The following GMDS variants were observed in gnomAD, a reference collection of about 807,000 sequenced individuals.
GMDS encodes the protein GDP-mannose 4,6 dehydratase.
Under a neutral mutation model 49.9 loss-of-function variants are expected in GMDS, and 20 were observed. That is an observed-to-expected ratio of 0.40 (90% CI 0.28 to 0.58). The LOEUF (loss-of-function observed/expected upper bound fraction) is 0.58. Among genes scored for constraint, GMDS ranks in the 20% least tolerant of loss-of-function variants. The probability of loss-of-function intolerance (pLI) is 0.42; values close to 1 mark genes in which losing one functional copy is unlikely to be tolerated. For synonymous variants in GMDS, 177 were observed against 178.6 expected (o/e 0.99, Z 0.07); for missense variants, 362 against 481.4 (o/e 0.75, Z 2.32).
intron 7 of GMDS, among the ~76,000 whole-genome samples, chr6:1,922,208 G>A (rs1410784043): frequency 1.3e-5 from 2 of 152,160 alleles, no homozygotes; most frequent in Non-Finnish European, 2.9e-5. Flanking sequence ...AGACAGGAAC[G>A]ATGTTGTTAA....
chr6:1,728,634 C>A (rs1437118559), intron 8 of GMDS, among the ~76,000 whole-genome samples: 10 of 152,084 alleles, frequency 6.6e-5, no homozygotes, highest in Admixed American at 5.9e-4. Context: ...ATATTTAAAT[C>A]GACAAAGCCT....
chr6:2,008,209 C>A (rs1767318975), intron 4 of GMDS, among the ~76,000 whole-genome samples: 1 of 152,008 alleles, frequency 6.6e-6, no homozygotes, highest in Non-Finnish European at 1.5e-5. Context: ...TTAGTTCTTC[C>A]CAAGACAGCA....
At chr6:2,016,067 T>TAAA (rs551256530) in intron 4 of GMDS, among the ~76,000 whole-genome samples, 2 of 123,008 alleles carry the variant, frequency 1.6e-5, no homozygotes, top group Non-Finnish European at 3.3e-5. Context: ...ACCCTGTTTC[T>TAAA]AAAAAAAAAA....
intron 1 of GMDS, among the ~76,000 whole-genome samples, chr6:2,181,390 C>T (rs1778522936): frequency 6.6e-6 from 1 of 152,148 alleles, no homozygotes; most frequent in Non-Finnish European, 1.5e-5. Flanking sequence ...CCTCCCTTTA[C>T]TCACAAAATC....
At chr6:1,738,184 TATACACAC>T (rs1326058800) in intron 8 of GMDS, among the ~76,000 whole-genome samples, 1 of 146,842 alleles carries the variant, frequency 6.8e-6, no homozygotes, top group Non-Finnish European at 1.5e-5. Context: ...CACACACACA[TATACACAC>T]ATACACACAC....
At chr6:2,042,032 C>A (rs1427097884) in intron 4 of GMDS, among the ~76,000 whole-genome samples, 2 of 152,106 alleles carry the variant, frequency 1.3e-5, no homozygotes, top group Admixed American at 1.3e-4. Flanking sequence ...TTGGGTCAAA[C>A]GCCCTGATCA....
At chr6:1,671,757 C>G (rs11757945) in intron 9 of GMDS, among the ~76,000 whole-genome samples, 2 of 150,942 alleles carry the variant, frequency 1.3e-5, no homozygotes, top group South Asian at 4.2e-4. Context: ...CTCTGCCCCC[C>G]GGGTTCAACT....
intron 4 of GMDS, among the ~76,000 whole-genome samples, chr6:2,072,207 A>G (rs569311272): frequency 5.2e-4 from 79 of 152,294 alleles, no homozygotes; most frequent in Middle Eastern, 6.8e-3. Flanking sequence ...GCCACTATTA[A>G]TTTACATTTA....
At chr6:2,094,052 G>A (rs547788934) in intron 4 of GMDS, among the ~76,000 whole-genome samples, 6 of 152,246 alleles carry the variant, frequency 3.9e-5, no homozygotes, top group East Asian at 1.9e-4. Flanking sequence ...GCCTTTGTGC[G>A]GAAACAGGGA....
At chr6:1,724,769 G>A (rs886499954) in intron 9 of GMDS, among the ~76,000 whole-genome samples, 1 of 152,154 alleles carries the variant, frequency 6.6e-6, no homozygotes, top group African/African-American at 2.4e-5. Context: ...TCAGCACAGC[G>A]TGGCTGGCAT....
chr6:1,687,697 A>C (rs933808858), intron 9 of GMDS, among the ~76,000 whole-genome samples: 2 of 152,178 alleles, frequency 1.3e-5, no homozygotes, highest in Non-Finnish European at 2.9e-5. Flanking sequence ...AGGGGGGTTC[A>C]GAGAAGCCAC....
intron 7 of GMDS, among the ~76,000 whole-genome samples, chr6:1,814,757 A>C (rs2113688747): frequency 6.6e-6 from 1 of 152,334 alleles, no homozygotes; most frequent in Non-Finnish European, 1.5e-5. Context: ...ATATATTCAA[A>C]ATTCATTTAT....
intron 7 of GMDS, among the ~76,000 whole-genome samples, chr6:1,758,944 A>T (rs1372724115): frequency 1.3e-5 from 2 of 152,170 alleles, no homozygotes; most frequent in Non-Finnish European, 2.9e-5. Flanking sequence ...TATTTTTGAC[A>T]CGGAGTCTCA....
intron 9 of GMDS, among the ~76,000 whole-genome samples, chr6:1,677,361 G>C (rs1764657747): frequency 6.6e-6 from 1 of 152,168 alleles, no homozygotes; most frequent in East Asian, 1.9e-4. Context: ...CTGTAAACTA[G>C]TTCAACCATT....
intron 4 of GMDS, among the ~76,000 whole-genome samples, chr6:1,995,343 T>A (rs1196687191): frequency 1.3e-5 from 2 of 152,182 alleles, no homozygotes; most frequent in Non-Finnish European, 2.9e-5. Flanking sequence ...GGACACAGGC[T>A]GCCTGTGACC....
chr6:1,643,356 C>T (rs1033137007), intron 9 of GMDS, among the ~76,000 whole-genome samples: 11 of 152,190 alleles, frequency 7.2e-5, no homozygotes, highest in African/African-American at 1.9e-4. Context: ...TTCCTGAAAA[C>T]GAACCCTGAC....
chr6:2,224,799 G>C (rs1250500712), intron 1 of GMDS, among the ~76,000 whole-genome samples: 1 of 152,154 alleles, frequency 6.6e-6, no homozygotes, highest in Non-Finnish European at 1.5e-5. Context: ...CTAATGTTCA[G>C]GACAGCCAAG....
intron 1 of GMDS, among the ~76,000 whole-genome samples, chr6:2,190,718 C>T (rs998687503): frequency 2.0e-5 from 3 of 152,324 alleles, no homozygotes; most frequent in South Asian, 2.1e-4. Context: ...CTTGGCAGCA[C>T]CTATCACTGC....
intron 7 of GMDS, among the ~76,000 whole-genome samples, chr6:1,892,828 A>G (rs1383372713): frequency 2.0e-5 from 3 of 152,200 alleles, no homozygotes; most frequent in African/African-American, 7.2e-5. Context: ...GCCTTGGCCT[A>G]CTGTGACTGG....
Sources: gnomAD v4.1 joint callset for allele counts (sites outside exome capture counted in the v4.1 genomes callset) on GRCh38, gnomAD v4.1.1 for gene constraint, MANE v1.5 for transcripts, NCBI Gene and HGNC (gene_info 2026-07-23, HGNC 2026-07-21) for gene names.